Variants in BCL11A observed in about 807,000 individuals in gnomAD.
BCL11A encodes BCL11 transcription factor A.
BCL11A carries 2 observed loss-of-function variants against 55.9 expected under a neutral mutation model. The observed-to-expected ratio is 0.04, with a 90% CI of 0.01 to 0.11. BCL11A has a LOEUF of 0.11. Among genes scored for constraint, BCL11A ranks in the 10% least tolerant of loss-of-function variants. BCL11A has a pLI of 1.00. For missense variants in BCL11A, 817 were observed against 1,137.1 expected, an observed-to-expected ratio of 0.72 and a Z score of 4.05; for synonymous variants, 465 against 473.4, an observed-to-expected ratio of 0.98 and a Z score of 0.23.
At chr2:60,467,001 T>A (rs1676649976) in intron 3 of BCL11A, among the ~76,000 whole-genome samples, 1 of 152,180 alleles carries the variant, frequency 6.6e-6, no homozygotes, top group South Asian at 2.1e-4. Context: ...TTTGTATAAA[T>A]GGACAAATTT....
downstream of BCL11A, chr2:60,452,442 A>G: frequency 2.7e-6 from 2 of 752,538 alleles, no homozygotes; most frequent in South Asian, 3.0e-5. Context: ...AGGACTCTGC[A>G]GGACTCTGTC....
rs1676195199 is a variant in BCL11A at position 60,460,533 on chromosome 2, G to A, written c.2379C>T (p.Gly793=). The part of the protein sequence containing the change: ...SKLTRHMKTH[G]QVGKDVYKCE... ...ATTTGTAAACGTCCTTCCCCACCTG[G>A]CCATGCGTTTTCATGTGCCTGGTGA... Residue 793 remains glycine (G), a synonymous_variant, in exon 4 of 4, where the codon GGC becomes GGT. Coordinates refer to ENST00000642384, the MANE Select transcript of BCL11A (RefSeq NM_022893.4). The A allele has an allele frequency of 6.2e-7, 1 of 1,613,976 alleles. No homozygotes were observed. Among genetic ancestry groups the A allele is most frequent in the South Asian group, 1.1e-5 (1 of 91,088 alleles).
At chr2:60,501,397 A>C (rs1342580793) in intron 2 of BCL11A, among the ~76,000 whole-genome samples, 1 of 152,156 alleles carries the variant, frequency 6.6e-6, no homozygotes, top group Non-Finnish European at 1.5e-5. Context: ...ACACTCTTGT[A>C]ATATGATTAA....
intron 2 of BCL11A, among the ~76,000 whole-genome samples, chr2:60,490,409 C>A (rs149113684): frequency 5.9e-5 from 9 of 152,308 alleles, no homozygotes; most frequent in African/African-American, 2.2e-4. Context: ...ATTTTCTATT[C>A]CAGTCTTAGT....
chr2:60,484,686 G>C (rs1558634564), intron 2 of BCL11A, among the ~76,000 whole-genome samples: 3 of 151,598 alleles, frequency 2.0e-5, no homozygotes, highest in Admixed American at 6.6e-5. Context: ...GGAATTTGGA[G>C]GGGGGCAAAA....
At chr2:60,508,135 A>G (rs966109503) in intron 2 of BCL11A, among the ~76,000 whole-genome samples, 1 of 152,218 alleles carries the variant, frequency 6.6e-6, no homozygotes, top group Non-Finnish European at 1.5e-5. Flanking sequence ...GTAGTTGAGC[A>G]ACAGCTAAGT....
intron 2 of BCL11A, among the ~76,000 whole-genome samples, chr2:60,514,700 G>T (rs543037705): frequency 6.6e-6 from 1 of 151,304 alleles, no homozygotes; most frequent in Non-Finnish European, 1.5e-5. Flanking sequence ...GGGTGGGGGA[G>T]TTTCTTAGGA....
At chr2:60,466,184 C>T (rs551584298) in intron 3 of BCL11A, among the ~76,000 whole-genome samples, 2 of 150,676 alleles carry the variant, frequency 1.3e-5, no homozygotes, top group Non-Finnish European at 3.0e-5. Flanking sequence ...CTATCAAGCT[C>T]AGACTTTCCT....
chr2:60,473,090 G>A (rs1677302809), intron 2 of BCL11A, among the ~76,000 whole-genome samples: 1 of 152,004 alleles, frequency 6.6e-6, no homozygotes. Flanking sequence ...GTGTGCATGT[G>A]TGTGTATGCT....
At chr2:60,453,554 T>C (rs1675813970), downstream of BCL11A, among the ~76,000 whole-genome samples, 1 of 152,206 alleles carries the variant, frequency 6.6e-6, no homozygotes. Context: ...AGCGGAGACC[T>C]GGGCTGAGGG....
rs756171792 is a variant in BCL11A, at chr2:60,460,931, C to T, written c.1981G>A (p.Ala661Thr). The change falls in exon 4 of 4, where the codon GCC (alanine) becomes ACC (threonine). Residue 661 changes from alanine (A) to threonine (T), a missense_variant. Ala to Thr is a moderately conservative substitution (Grantham distance 58, BLOSUM62 0). Around this residue, in one of 4 missense-constraint regions of BCL11A, gnomAD observed 379 missense variants for 425.3 expected, o/e 0.89. Transcript: ENST00000642384. The part of the protein sequence containing the change: ...NTENVYSQWL[A>T]GYAASRQLKD... Reference sequence around the variant, plus strand: ...AGCTGCCTGGAGGCCGCGTAGCCGGCGAGCCACTGCGAGTACACGTTCTCC... The same window carrying T: ...AGCTGCCTGGAGGCCGCGTAGCCGGTGAGCCACTGCGAGTACACGTTCTCC... 1 of 1,609,026 alleles carries T rather than the reference C, an allele frequency of 6.2e-7. No individual in the cohort carries two copies. Among genetic ancestry groups the T allele is most frequent in the Non-Finnish European group, 8.5e-7 (1 of 1,178,942 alleles).
intron 2 of BCL11A, among the ~76,000 whole-genome samples, chr2:60,493,387 T>C (rs1162024723): frequency 6.6e-6 from 1 of 152,112 alleles, no homozygotes; most frequent in Non-Finnish European, 1.5e-5. Context: ...CAGGGAGCCC[T>C]CATTTTGTCA....
chr2:60,462,390 A>C lies in BCL11A; in HGVS notation c.522T>G (p.Thr174=), dbSNP rs887592511. 11 of 1,612,280 alleles carry C rather than the reference A, an allele frequency of 6.8e-6. No homozygotes were observed. The East Asian group carries it at 2.0e-4, about 29-fold the overall frequency. ...ATGCACTGGTGAATGGCTGTTTGCA[A>C]GTTGTACATGTGTAGCTGCTGGGCT... ...KDEPSSYTCT[T]CKQPFTSAWF... is the part of the protein sequence containing the mutation. Residue 174 remains threonine (T), a synonymous_variant, in exon 4 of 4, where the codon ACT becomes ACG. Transcript: ENST00000642384.
At chr2:60,539,248 T>C (rs1320304699) in intron 2 of BCL11A, among the ~76,000 whole-genome samples, 5 of 152,230 alleles carry the variant, frequency 3.3e-5, no homozygotes, top group Non-Finnish European at 5.9e-5. Flanking sequence ...GGCATTTACA[T>C]GCGCCCATCT....
intron 3 of BCL11A, among the ~76,000 whole-genome samples, chr2:60,464,435 A>G (rs1282278652): frequency 3.3e-5 from 5 of 152,184 alleles, no homozygotes; most frequent in African/African-American, 7.2e-5. Flanking sequence ...TTCCAACTAC[A>G]TGATCCTCTG....
intron 2 of BCL11A, among the ~76,000 whole-genome samples, chr2:60,496,344 C>T (rs1678948570): frequency 6.6e-6 from 1 of 152,186 alleles, no homozygotes; most frequent in Non-Finnish European, 1.5e-5. Context: ...AAAGGGATAG[C>T]CCTATGAGGC....
chr2:60,460,521 C>T lies in BCL11A; in HGVS notation c.2391G>A (p.Lys797=). ...RHMKTHGQVG[K]DVYKCEICKM... is the part of the protein sequence containing the mutation. Reference sequence around the variant, plus strand: ...TACAAATTTCACATTTGTAAACGTCCTTCCCCACCTGGCCATGCGTTTTCA... The same window carrying T: ...TACAAATTTCACATTTGTAAACGTCTTTCCCCACCTGGCCATGCGTTTTCA... Residue 797 remains lysine, a synonymous_variant, in exon 4 of 4, where the codon AAG becomes AAA. Coordinates refer to ENST00000642384, the MANE Select transcript of BCL11A (RefSeq NM_022893.4). The T allele has an allele frequency of 6.2e-7, 1 of 1,614,150 alleles. No individual in the cohort carries two copies. The highest frequency in any genetic ancestry group is 8.5e-7 in the Non-Finnish European group (1 of 1,180,026).
chr2:60,460,713 G>C lies in BCL11A; in HGVS notation c.2199C>G (p.Pro733=). ...CGCTGCGTCTGCCCTCTTTTGAGCT[G>C]GGCCTGCCCGGGCCCGGACCACTAA... ...PHISGPGPGR[P]SSKEGRRSDT... Residue 733 remains proline (P), a synonymous_variant, in exon 4 of 4, where the codon CCC becomes CCG. Coordinates refer to ENST00000642384, the MANE Select transcript of BCL11A (RefSeq NM_022893.4). 6.2e-7 allele frequency: 1 copy of C among 1,614,176 alleles called. No individual in the cohort carries two copies. The highest frequency in any genetic ancestry group is 1.6e-4 in the Middle Eastern group (1 of 6,062).
At chr2:60,517,134 T>C (rs949615834) in intron 2 of BCL11A, among the ~76,000 whole-genome samples, 4 of 152,206 alleles carry the variant, frequency 2.6e-5, no homozygotes, top group South Asian at 2.1e-4. Flanking sequence ...AAGGATTTCC[T>C]GCGATTGAGA....
Sources: allele counts gnomAD v4.1 joint callset (sites outside exome capture counted in the v4.1 genomes callset), GRCh38; gene constraint gnomAD v4.1.1; regional missense constraint gnomAD v4.1.1; transcripts MANE v1.5; gene names NCBI Gene and HGNC (gene_info 2026-07-23, HGNC 2026-07-21).